Variants in TBC1D4 observed in about 807,000 individuals in gnomAD.
TBC1D4 encodes the protein TBC (Tre-2, BUB2, CDC16) domain-containing protein.
In TBC1D4, 121 loss-of-function variants were observed where a neutral mutation model predicts 142.5. The observed-to-expected ratio is 0.85, with a 90% confidence interval of 0.73 to 0.99. The LOEUF (loss-of-function observed/expected upper bound fraction) is 0.99, where lower values mean the gene tolerates loss of function less well. TBC1D4 is among the 50% of genes least tolerant of loss of function. The probability of loss-of-function intolerance (pLI) is 0.00; values close to 1 mark genes in which losing one functional copy is unlikely to be tolerated. For synonymous variants in TBC1D4, 630 were observed against 628.2 expected, an observed-to-expected ratio of 1.00 and a Z score of -0.04; for missense variants, 1,475 against 1,606.6, an observed-to-expected ratio of 0.92 and a Z score of 1.40.
rs370557322 is a variant in TBC1D4, at chr13:75,305,919, T to G, written c.2752+394A>C. On this transcript the variant is annotated intron_variant, in intron 15 of 20. Transcript: ENST00000377636. ...ATTGATTGATTACTTAGCCAGAATA[T>G]AAATCTATACATATAAATACATACA... 5.3e-5 allele frequency among the ~76,000 whole-genome samples: 8 copies of G among 152,286 alleles called. No homozygotes were observed. In the East Asian group the frequency reaches 9.6e-4, roughly 18 times the overall value.
intron 1 of TBC1D4, among the ~76,000 whole-genome samples, chr13:75,465,097 G>A (rs895223747): frequency 1.3e-5 from 2 of 152,020 alleles, no homozygotes; most frequent in African/African-American, 4.8e-5. Context: ...TGCACATTTT[G>A]CCATCCCCAT....
intron 1 of TBC1D4, among the ~76,000 whole-genome samples, chr13:75,474,492 G>A (rs1012122648): frequency 5.3e-5 from 8 of 152,272 alleles, no homozygotes; most frequent in Non-Finnish European, 1.0e-4. Flanking sequence ...CCGGAAGGCG[G>A]AGCTTGCAGT....
At chr13:75,465,509 G>C (rs1432863474) in intron 1 of TBC1D4, among the ~76,000 whole-genome samples, 1 of 152,178 alleles carries the variant, frequency 6.6e-6, no homozygotes, top group Non-Finnish European at 1.5e-5. Context: ...ATTACAGAAG[G>C]GTGGAGAGCG....
At chr13:75,426,437 C>A (rs1205608435) in intron 1 of TBC1D4, among the ~76,000 whole-genome samples, 1 of 152,170 alleles carries the variant, frequency 6.6e-6, no homozygotes. Flanking sequence ...GGGAGGAGGT[C>A]AACCCTATTT....
chr13:75,286,683 T>G lies in TBC1D4; in HGVS notation c.*109A>C. On this transcript the variant is annotated 3_prime_UTR_variant, in exon 21 of 21. Transcript: ENST00000377636. ...TGTGACTAGGCGCTCAGCACCAGTA[T>G]TAGGTGGTTCCATCAGCTTCAGGGT... 3 of 1,072,984 alleles carry G rather than the reference T, an allele frequency of 2.8e-6. No homozygotes were observed. Among genetic ancestry groups the G allele is most frequent in the Non-Finnish European group, 4.2e-6 (3 of 713,000 alleles). The allele number at this position is 1,072,984 out of a possible 1,614,324, so 66.5% of individuals were successfully genotyped here.
intron 1 of TBC1D4, among the ~76,000 whole-genome samples, chr13:75,368,790 G>A (rs1394042815): frequency 6.6e-6 from 1 of 152,194 alleles, no homozygotes; most frequent in African/African-American, 2.4e-5. Flanking sequence ...TGTAATCCCA[G>A]CACTTTGGGA....
intron 18 of TBC1D4, among the ~76,000 whole-genome samples, chr13:75,293,750 C>T (rs1315881866): frequency 2.0e-5 from 3 of 152,082 alleles, no homozygotes; most frequent in Non-Finnish European, 2.9e-5. Context: ...AACCACAGCC[C>T]TCAATAAGAA....
intron 1 of TBC1D4, among the ~76,000 whole-genome samples, chr13:75,436,523 G>A (rs959633372): frequency 6.6e-6 from 1 of 151,988 alleles, no homozygotes; most frequent in African/African-American, 2.4e-5. Flanking sequence ...AGGTGTGGTG[G>A]TGCATGCCTA....
intron 20 of TBC1D4, among the ~76,000 whole-genome samples, chr13:75,287,726 A>C (rs1593854001): frequency 6.6e-6 from 1 of 152,244 alleles, no homozygotes; most frequent in African/African-American, 2.4e-5. Context: ...AAGGAAGTTT[A>C]GTGTTCCCAT....
intron 1 of TBC1D4, among the ~76,000 whole-genome samples, chr13:75,373,344 C>G (rs940682692): frequency 6.6e-6 from 1 of 152,150 alleles, no homozygotes; most frequent in Non-Finnish European, 1.5e-5. Flanking sequence ...TCCTTATAAA[C>G]ATTATCATTA....
At chr13:75,288,112 T>G (rs1039575159) in intron 20 of TBC1D4, among the ~76,000 whole-genome samples, 3 of 152,310 alleles carry the variant, frequency 2.0e-5, no homozygotes, top group Non-Finnish European at 2.9e-5. Context: ...ATATATAGTA[T>G]TTTATATTCT....
Position 75,362,041 on chromosome 13 carries a change from C to T in TBC1D4, c.1065G>A (p.Arg355=). Residue 355 remains arginine, a synonymous_variant, in exon 2 of 21, where the codon AGG becomes AGA. Coordinates refer to ENST00000377636, the MANE Select transcript of TBC1D4 (RefSeq NM_014832.5). This position sits in a 1 kb window ranked among gnomAD's most constrained non-coding sequence, Gnocchi z 4.2. The part of the protein sequence containing the change: ...HVQPSDSEKN[R]TMLFQVGRFE... ...TCAGGTGTACCTGGAAGAGCATGGT[C>T]CTGTTCTTCTCCGAGTCCGAGGGCT... 4 of 1,614,122 alleles carry T rather than the reference C, an allele frequency of 2.5e-6. No individual in the cohort carries two copies. The highest frequency in any genetic ancestry group is 3.4e-6 in the Non-Finnish European group (4 of 1,180,032).
At chr13:75,299,304 T>C in intron 17 of TBC1D4, 26 bp downstream of exon 17, 1 of 1,613,492 alleles carries the variant, frequency 6.2e-7, no homozygotes, top group Non-Finnish European at 8.5e-7. Flanking sequence ...GTCTCACACC[T>C]TCCTCGGGAA....
chr13:75,337,672 T>C (rs1056683287), intron 7 of TBC1D4, among the ~76,000 whole-genome samples: 1 of 152,174 alleles, frequency 6.6e-6, no homozygotes, highest in Non-Finnish European at 1.5e-5. Context: ...AACCTTATGA[T>C]TTGCTTGGGG....
In TBC1D4 at chr13:75,341,248, C is replaced by A. The variant is rs1408255326; in HGVS notation, c.1501-13G>T. ...CTGGCTTCATTTTCTGTTCAACAGA[C>A]AAACCAAAAGAACACTATGGCAACA... is the stretch of plus-strand genomic sequence containing the variant. On this transcript the variant is annotated splice_polypyrimidine_tract_variant and intron_variant, in intron 6 of 20. Transcript: ENST00000377636. 3.7e-6 allele frequency: 6 copies of A among 1,609,098 alleles called. No individual in the cohort carries two copies. The Admixed American group carries it at 5.0e-5, about 13-fold the overall frequency.
intron 1 of TBC1D4, among the ~76,000 whole-genome samples, chr13:75,434,287 TA>T (rs1886701017): frequency 6.6e-6 from 1 of 152,136 alleles, no homozygotes; most frequent in Admixed American, 6.6e-5. Flanking sequence ...GACTGGATTT[TA>T]AAAGTGCGGA....
intron 12 of TBC1D4, among the ~76,000 whole-genome samples, chr13:75,313,779 G>C (rs549133229): frequency 6.6e-6 from 1 of 152,242 alleles, no homozygotes; most frequent in African/African-American, 2.4e-5. Flanking sequence ...TCCTGTCTCA[G>C]CTCCCAAAGT....
intron 1 of TBC1D4, among the ~76,000 whole-genome samples, chr13:75,446,719 C>A (rs9530439): frequency 6.6e-6 from 1 of 152,190 alleles, no homozygotes; most frequent in African/African-American, 2.4e-5. Context: ...ACAGTGTATA[C>A]TGAAGCATTT....
rs182838018 is a variant in TBC1D4 at position 75,395,762 on chromosome 13, G to A, written c.499-33155C>T. Among the ~76,000 whole-genome samples the A allele has an allele frequency of 7.3e-3, 1,115 of 152,136 alleles. 12 individuals carry two copies. The highest frequency in any genetic ancestry group is 0.024 in the African/African-American group (1,012 of 41,488). On this transcript the variant is annotated intron_variant, in intron 1 of 20. Coordinates refer to ENST00000377636, the MANE Select transcript of TBC1D4 (RefSeq NM_014832.5). ...GGAGAATCACTTGAACCCGGGAGGCGGAGGTGGCAGTGAGCCGAGATCGTA... is the reference window on the plus strand; with the variant it reads ...GGAGAATCACTTGAACCCGGGAGGCAGAGGTGGCAGTGAGCCGAGATCGTA...
Sources: allele counts gnomAD v4.1 joint callset (sites outside exome capture counted in the v4.1 genomes callset), GRCh38; gene constraint gnomAD v4.1.1; non-coding constraint Gnocchi (gnomAD v3.1); transcripts MANE v1.5; gene names NCBI Gene and HGNC (gene_info 2026-07-23, HGNC 2026-07-21).